MAGI2: variants seen among roughly 807,000 people sequenced by gnomAD.
MAGI2 encodes the protein membrane-associated guanylate kinase, WW and PDZ domain-containing protein 2.
MAGI2 carries 35 observed loss-of-function variants against 133.3 expected under a neutral mutation model. That is an observed-to-expected ratio of 0.26 (90% CI 0.20 to 0.35). The LOEUF (loss-of-function observed/expected upper bound fraction) is 0.35, where lower values mean the gene tolerates loss of function less well. Among genes scored for constraint, MAGI2 ranks in the 10% least tolerant of loss-of-function variants. The pLI, the probability that MAGI2 is intolerant of heterozygous loss-of-function variation, is 1.00. For missense variants in MAGI2, 1,636 were observed against 1,863.4 expected, an observed-to-expected ratio of 0.88 and a Z score of 2.25; for synonymous variants, 729 against 710.6, an observed-to-expected ratio of 1.03 and a Z score of -0.41.
chr7:78,619,782 C>T (rs953771753), intron 3 of MAGI2, among the ~76,000 whole-genome samples: 5 of 151,762 alleles, frequency 3.3e-5, no homozygotes, highest in Non-Finnish European at 4.4e-5. Flanking sequence ...AATCACTCAC[C>T]AAAAAATTCT....
chr7:78,128,595 AC>A (rs1821232120), intron 18 of MAGI2, among the ~76,000 whole-genome samples: 1 of 151,048 alleles, frequency 6.6e-6, no homozygotes, highest in Admixed American at 6.6e-5. Flanking sequence ...AAACTGGCTT[AC>A]GGTCTTACTG....
intron 3 of MAGI2, among the ~76,000 whole-genome samples, chr7:78,581,306 C>T (rs1004631428): frequency 2.0e-5 from 3 of 152,164 alleles, no homozygotes; most frequent in South Asian, 2.1e-4. Context: ...TGCTTCTCTC[C>T]AAGGGAGTTG....
intron 1 of MAGI2, among the ~76,000 whole-genome samples, chr7:79,242,330 A>G (rs1832476986): frequency 6.6e-6 from 1 of 152,172 alleles, no homozygotes; most frequent in Non-Finnish European, 1.5e-5. Context: ...ATTAAAATAA[A>G]TAAATCTGTA....
chr7:78,448,757 C>T (rs1391798971), intron 6 of MAGI2, among the ~76,000 whole-genome samples: 40 of 151,944 alleles, frequency 2.6e-4, no homozygotes, highest in Admixed American at 2.6e-3. Flanking sequence ...TATGTGTAGG[C>T]TTATGCGCAC....
intron 1 of MAGI2, among the ~76,000 whole-genome samples, chr7:79,246,327 G>A (rs564569033): frequency 6.6e-6 from 1 of 152,178 alleles, no homozygotes; most frequent in Non-Finnish European, 1.5e-5. Context: ...ACCAATCATG[G>A]AGAAGCTGAG....
intron 1 of MAGI2, among the ~76,000 whole-genome samples, chr7:79,382,576 C>T (rs1452446784): frequency 6.6e-6 from 1 of 151,464 alleles, no homozygotes; most frequent in Non-Finnish European, 1.5e-5. Flanking sequence ...GCCTCAGCTT[C>T]CCATTTGCAT....
Position 78,019,470 on chromosome 7 carries a change from T to C in MAGI2, c.4213A>G (p.Arg1405Gly). 1.0e-6 allele frequency: 1 copy of C among 979,788 alleles called. No individual in the cohort carries two copies. Among genetic ancestry groups the C allele is most frequent in the Non-Finnish European group, 1.2e-6 (1 of 828,100 alleles). 60.7% of individuals were successfully genotyped at this position (979,788 alleles called of 1,614,324 possible). The stretch of plus-strand genomic sequence containing the variant: ...CGGGGACCCGCGCGCGCACCCGCCC[T>C]GCCCTCGGCCTCCAGCGCGCCGCTG... ...GGSGALEAEG[R>G]AGARAGPRPG... The change falls in exon 22 of 22, where the codon AGG (arginine) becomes GGG (glycine). Residue 1405 changes from arginine to glycine, a missense_variant. This residue lies in a region of MAGI2 where 354 missense variants were observed against 298.7 expected (regional missense o/e 1.19). Coordinates refer to ENST00000354212, the MANE Select transcript of MAGI2 (RefSeq NM_012301.4).
intron 1 of MAGI2, among the ~76,000 whole-genome samples, chr7:79,110,572 A>G (rs1454181510): frequency 6.6e-6 from 1 of 152,156 alleles, no homozygotes; most frequent in Non-Finnish European, 1.5e-5. Context: ...ACTTGTTTTG[A>G]TTTTACAGCT....
chr7:78,899,723 G>A (rs1323390000), intron 2 of MAGI2, among the ~76,000 whole-genome samples: 5 of 152,116 alleles, frequency 3.3e-5, no homozygotes, highest in African/African-American at 1.2e-4. Flanking sequence ...GAGTGGGGCT[G>A]AGTGTATTTT....
At chr7:78,401,127 CTTT>C (rs1796821750) in intron 6 of MAGI2, among the ~76,000 whole-genome samples, 3 of 151,804 alleles carry the variant, frequency 2.0e-5, no homozygotes, top group African/African-American at 7.3e-5. Context: ...CCCGAGGGTG[CTTT>C]TAGTCCCCTT....
chr7:78,332,638 C>T (rs542811840), intron 9 of MAGI2, among the ~76,000 whole-genome samples: 12 of 146,180 alleles, frequency 8.2e-5, no homozygotes, highest in Non-Finnish European at 1.8e-4. Context: ...GCAGAGCTTG[C>T]AGTGAGCCAA....
chr7:78,097,097 AT>A (rs1406127251), intron 20 of MAGI2, among the ~76,000 whole-genome samples: 8 of 152,230 alleles, frequency 5.3e-5, no homozygotes, highest in Non-Finnish European at 1.2e-4. Context: ...AGAAATGCAA[AT>A]CAAAACCACA....
At chr7:79,098,140 C>T (rs1033630753) in intron 1 of MAGI2, among the ~76,000 whole-genome samples, 7 of 152,000 alleles carry the variant, frequency 4.6e-5, no homozygotes, top group East Asian at 1.9e-4. Context: ...ATAGCAGATG[C>T]GCAATTTTTA....
intron 2 of MAGI2, among the ~76,000 whole-genome samples, chr7:78,846,695 C>T (rs1452117016): frequency 1.3e-5 from 2 of 151,930 alleles, no homozygotes; most frequent in Non-Finnish European, 2.9e-5. Flanking sequence ...GACGATAACT[C>T]TGCAAAAACG....
chr7:78,037,340 C>T (rs1032412018), intron 21 of MAGI2, among the ~76,000 whole-genome samples: 2 of 152,210 alleles, frequency 1.3e-5, no homozygotes, highest in Non-Finnish European at 2.9e-5. Flanking sequence ...CCTTTCCTTT[C>T]TACTCCTGTG....
chr7:79,017,956 C>T (rs1214929260), intron 1 of MAGI2, among the ~76,000 whole-genome samples: 1 of 152,142 alleles, frequency 6.6e-6, no homozygotes, highest in Non-Finnish European at 1.5e-5. Context: ...CAGTCTATGA[C>T]TTATTGGCAT....
intron 1 of MAGI2, among the ~76,000 whole-genome samples, chr7:79,216,115 T>A (rs1830019291): frequency 6.6e-6 from 1 of 151,686 alleles, no homozygotes; most frequent in South Asian, 2.1e-4. Context: ...CAAGGCTCCA[T>A]AAGCAGATGG....
chr7:78,224,097 C>A (rs551406288), intron 10 of MAGI2, among the ~76,000 whole-genome samples: 1 of 152,036 alleles, frequency 6.6e-6, no homozygotes, highest in Admixed American at 6.5e-5. Context: ...CTACAGAGTA[C>A]GTAGATTTCA....
At chr7:79,439,391 G>A (rs1848349747) in intron 1 of MAGI2, among the ~76,000 whole-genome samples, 1 of 152,012 alleles carries the variant, frequency 6.6e-6, no homozygotes, top group African/African-American at 2.4e-5. Flanking sequence ...CCATCATAAG[G>A]AAGCGATAGC....
Sources: allele counts gnomAD v4.1 joint callset (sites outside exome capture counted in the v4.1 genomes callset), GRCh38; gene constraint gnomAD v4.1.1; regional missense constraint gnomAD v4.1.1; transcripts MANE v1.5; gene names NCBI Gene and HGNC (gene_info 2026-07-23, HGNC 2026-07-21).